FLRT2: variants seen among roughly 807,000 people sequenced by gnomAD.
The protein encoded by FLRT2 is leucine-rich repeat transmembrane protein FLRT2.
FLRT2 carries 15 observed loss-of-function variants against 40.0 expected under a neutral mutation model. The ratio of observed to expected loss-of-function variants is 0.38; its 90% CI spans 0.25 to 0.58. The LOEUF (loss-of-function observed/expected upper bound fraction) is 0.58, where lower values mean the gene tolerates loss of function less well. FLRT2 is among the 20% of genes least tolerant of loss of function. FLRT2 has a pLI of 0.71. For synonymous variants in FLRT2, 380 were observed against 336.8 expected, an observed-to-expected ratio of 1.13 and a Z score of -1.41; for missense variants, 726 against 840.0, an observed-to-expected ratio of 0.86 and a Z score of 1.68.
chr14:85,565,469 A>G (rs1890575847), intron 1 of FLRT2, among the ~76,000 whole-genome samples: 2 of 152,188 alleles, frequency 1.3e-5, no homozygotes, highest in Admixed American at 6.5e-5. Flanking sequence ...ATTATGTGGC[A>G]TCTGGGACCC....
intron 1 of FLRT2, among the ~76,000 whole-genome samples, chr14:85,554,382 A>G (rs1310020232): frequency 6.6e-6 from 1 of 152,214 alleles, no homozygotes; most frequent in Non-Finnish European, 1.5e-5. Context: ...TTTCTGATAT[A>G]TTAGTAAATC....
intron 1 of FLRT2, among the ~76,000 whole-genome samples, chr14:85,555,716 A>G (rs1207958396): frequency 6.7e-6 from 1 of 150,316 alleles, no homozygotes; most frequent in Non-Finnish European, 1.5e-5. Flanking sequence ...ATTTTATTTT[A>G]TTTTATTTTA....
intron 1 of FLRT2, among the ~76,000 whole-genome samples, chr14:85,566,416 A>G (rs756390469): frequency 6.6e-6 from 1 of 152,188 alleles, no homozygotes; most frequent in African/African-American, 2.4e-5. Flanking sequence ...GAAATCAGGG[A>G]CTGTTTTCTG....
rs745627122 is a variant in FLRT2, at chr14:85,650,174, C to T, written c.*26677C>T. The T allele has an allele frequency of 2.0e-5, 3 of 152,062 alleles. No individual in the cohort carries two copies. The highest frequency in any genetic ancestry group is 1.9e-4 in the East Asian group (1 of 5,180). 9.4% of individuals were successfully genotyped at this position (152,062 alleles called of 1,614,324 possible). A position where few individuals can be genotyped will look rare whatever the true frequency, so the allele number is the denominator to read the frequency against. ...TGATGTACAGTATAGCCTTATTTTA[C>T]GTGTTTTAAATTTATACATAAACAA... On this transcript the variant is annotated 3_prime_UTR_variant, in exon 2 of 2. Transcript: ENST00000330753.
chr14:85,593,399 C>T (rs1457127885), intron 1 of FLRT2, among the ~76,000 whole-genome samples: 2 of 152,172 alleles, frequency 1.3e-5, no homozygotes, highest in African/African-American at 4.8e-5. Flanking sequence ...CACCTTCTGG[C>T]TGCAGGGCCA....
At chr14:85,596,422 A>T (rs1454482420) in intron 1 of FLRT2, among the ~76,000 whole-genome samples, 2 of 152,212 alleles carry the variant, frequency 1.3e-5, no homozygotes, top group Non-Finnish European at 2.9e-5. Context: ...CACATTTGTT[A>T]GCTATTTGTC....
chr14:85,562,203 C>T (rs1438889864), intron 1 of FLRT2, among the ~76,000 whole-genome samples: 1 of 152,240 alleles, frequency 6.6e-6, no homozygotes, highest in Non-Finnish European at 1.5e-5. Context: ...AAAGGCATCA[C>T]TTGTTTACAC....
rs771456284 is a variant in FLRT2, at chr14:85,622,650, C to T, written c.1136C>T (p.Pro379Leu). ...LFTPAPSTAS[P>L]TTQPPTLSIP... The stretch of plus-strand genomic sequence containing the variant: ...ACCCCAGCCCCAAGTACAGCTTCTC[C>T]GACCACTCAGCCTCCCACCCTCTCT... Residue 379 changes from proline (P) to leucine (L), a missense_variant, in exon 2 of 2, where the codon CCG becomes CTG. This residue lies in a region of FLRT2 where 611 missense variants were observed against 690.0 expected (regional missense o/e 0.89). Coordinates refer to ENST00000330753, the MANE Select transcript of FLRT2 (RefSeq NM_013231.6). 11 of 1,613,770 alleles carry T rather than the reference C, an allele frequency of 6.8e-6. No homozygotes were observed. Among genetic ancestry groups the T allele is most frequent in the East Asian group, 2.2e-5 (1 of 44,850 alleles).
Position 85,643,865 on chromosome 14 carries a change from T to A in FLRT2, c.*20368T>A, listed in dbSNP as rs1894227909. The A allele has an allele frequency of 6.6e-6, 1 of 151,828 alleles. No homozygotes were observed. Among genetic ancestry groups the A allele is most frequent in the Non-Finnish European group, 1.5e-5 (1 of 67,974 alleles). 9.4% of individuals were successfully genotyped at this position (151,828 alleles called of 1,614,324 possible). The stretch of plus-strand genomic sequence containing the variant: ...AACATTTAGTCCAGTTGCAGCAGAG[T>A]GGTTGTGGTTTTTATTATAAGCATT... On this transcript the variant is annotated 3_prime_UTR_variant, in exon 2 of 2. Coordinates refer to ENST00000330753, the MANE Select transcript of FLRT2 (RefSeq NM_013231.6).
At chr14:85,582,539 C>A (rs899691482) in intron 1 of FLRT2, among the ~76,000 whole-genome samples, 6 of 151,954 alleles carry the variant, frequency 3.9e-5, no homozygotes, top group African/African-American at 1.5e-4. Context: ...TTTATCCTCT[C>A]TGGGATCAGT....
chr14:85,538,210 G>A (rs941950862), intron 1 of FLRT2, among the ~76,000 whole-genome samples: 1 of 152,068 alleles, frequency 6.6e-6, no homozygotes, highest in African/African-American at 2.4e-5. Context: ...CCCAAACAAA[G>A]CAGTGTCATT....
intron 1 of FLRT2, among the ~76,000 whole-genome samples, chr14:85,588,152 C>T (rs10133483): frequency 0.36 from 54,737 of 151,848 alleles, 12,041 homozygotes; most frequent in African/African-American, 0.63. Context: ...AGTCCCGAAT[C>T]TTATTTTCTT....
At chr14:85,546,156 C>CA (rs775666380) in intron 1 of FLRT2, among the ~76,000 whole-genome samples, 14 of 152,132 alleles carry the variant, frequency 9.2e-5, no homozygotes, top group Non-Finnish European at 1.6e-4. Context: ...TCGCTTTTTG[C>CA]ACTTTCTGTG....
chr14:85,637,757 A>G lies in FLRT2; in HGVS notation c.*14260A>G, dbSNP rs143159406. On this transcript the variant is annotated 3_prime_UTR_variant, in exon 2 of 2. Coordinates refer to ENST00000330753, the MANE Select transcript of FLRT2 (RefSeq NM_013231.6). Reference sequence around the variant, plus strand: ...CTTGTCTTAAAGGAAGATTTGAAACATAATAGTTTCCTTTGCGCTTCTGTG... The same window carrying G: ...CTTGTCTTAAAGGAAGATTTGAAACGTAATAGTTTCCTTTGCGCTTCTGTG... 139 of 152,364 alleles carry G rather than the reference A, an allele frequency of 9.1e-4. No individual in the cohort carries two copies. Among genetic ancestry groups the G allele is most frequent in the African/African-American group, 3.3e-3 (136 of 41,582 alleles). 9.4% of individuals were successfully genotyped at this position (152,364 alleles called of 1,614,324 possible). A position where few individuals can be genotyped will look rare whatever the true frequency, so the allele number is the denominator to read the frequency against.
chr14:85,540,186 AT>A (rs1022238539), intron 1 of FLRT2, among the ~76,000 whole-genome samples: 2 of 152,180 alleles, frequency 1.3e-5, no homozygotes, highest in Admixed American at 1.3e-4. Context: ...AAATACAATG[AT>A]TTTTTAAAAT....
rs183069026 is a variant in FLRT2 at position 85,646,527 on chromosome 14, A to C, written c.*23030A>C. Reference sequence around the variant, plus strand: ...CTCTTAGAAGAAGGTAAAAGTGGGTAGAATGGACCATAGTACTTGAATCTT... The same window carrying C: ...CTCTTAGAAGAAGGTAAAAGTGGGTCGAATGGACCATAGTACTTGAATCTT... On this transcript the variant is annotated 3_prime_UTR_variant, in exon 2 of 2. Transcript: ENST00000330753. 2.6e-5 allele frequency: 4 copies of C among 152,336 alleles called. No individual in the cohort carries two copies. The highest frequency in any genetic ancestry group is 9.6e-5 in the African/African-American group (4 of 41,570). The allele number at this position is 152,336 out of a possible 1,614,324, so 9.4% of individuals were successfully genotyped here.
chr14:85,577,085 T>G lies in FLRT2; in HGVS notation c.-376-44054T>G, dbSNP rs747711846. Among the ~76,000 whole-genome samples the G allele has an allele frequency of 1.3e-3, 197 of 152,192 alleles. 1 individual carries two copies. The highest frequency in any genetic ancestry group is 2.9e-3 in the Admixed American group (45 of 15,264). On this transcript the variant is annotated intron_variant, in intron 1 of 1. Coordinates refer to ENST00000330753, the MANE Select transcript of FLRT2 (RefSeq NM_013231.6). The stretch of plus-strand genomic sequence containing the variant: ...ACCTCAAAATAAACGATGAGCGATT[T>G]GTAATGCATTACCACTTGCGGTTTT...
In FLRT2 at chr14:85,631,159, A is replaced by G. The variant is rs946216575; in HGVS notation, c.*7662A>G. 5 of 109,962 alleles carry G rather than the reference A, an allele frequency of 4.5e-5. No individual in the cohort carries two copies. Among genetic ancestry groups the G allele is most frequent in the African/African-American group, 2.1e-4 (5 of 23,550 alleles). The allele number at this position is 109,962 out of a possible 1,614,324, so 6.8% of individuals were successfully genotyped here. A position where few individuals can be genotyped will look rare whatever the true frequency, so the allele number is the denominator to read the frequency against. On this transcript the variant is annotated 3_prime_UTR_variant, in exon 2 of 2. Coordinates refer to ENST00000330753, the MANE Select transcript of FLRT2 (RefSeq NM_013231.6). ...TGAGCAAACAAAATGCTTTCAGTTT[A>G]TCTTCCTGGGATCTCAAGTTCCTTC...
intron 1 of FLRT2, among the ~76,000 whole-genome samples, chr14:85,574,257 CAT>C (rs564378757): frequency 2.0e-4 from 30 of 150,768 alleles, no homozygotes; most frequent in South Asian, 1.7e-3. Flanking sequence ...AAATAAAAAA[CAT>C]ATATGTATAA....
Sources: gnomAD v4.1 joint callset for allele counts (sites outside exome capture counted in the v4.1 genomes callset) on GRCh38, gnomAD v4.1.1 for gene constraint, gnomAD v4.1.1 regional missense constraint, MANE v1.5 for transcripts, NCBI Gene and HGNC (gene_info 2026-07-23, HGNC 2026-07-21) for gene names.